Variants in AGBL4 observed in about 807,000 individuals in gnomAD.
AGBL4 encodes the protein AGBL carboxypeptidase 4, also known as cytosolic carboxypeptidase 6.
AGBL4 carries 58 observed loss-of-function variants against 66.4 expected under a neutral mutation model. That is an observed-to-expected ratio of 0.87 (90% confidence interval 0.71 to 1.09). AGBL4 has a LOEUF of 1.09. Ranked by LOEUF, AGBL4 falls within the 50% of genes least tolerant of loss-of-function variation. The pLI, the probability that AGBL4 is intolerant of heterozygous loss-of-function variation, is 0.00. For synonymous variants in AGBL4, 234 were observed against 222.9 expected (o/e 1.05, Z -0.44); for missense variants, 579 against 631.0 (o/e 0.92, Z 0.88).
At chr1:49,126,162 C>T (rs10493142) in intron 4 of AGBL4, among the ~76,000 whole-genome samples, 6,428 of 152,118 alleles carry the variant, frequency 0.042, 175 homozygotes, top group East Asian at 0.074. Context: ...CTTGGTTATA[C>T]GATGAAGAAC....
intron 3 of AGBL4, among the ~76,000 whole-genome samples, chr1:49,460,186 T>C (rs1646480511): frequency 6.6e-6 from 1 of 151,678 alleles, no homozygotes; most frequent in African/African-American, 2.4e-5. Context: ...GTCAGTGGAG[T>C]ATTAAAGTTC....
At chr1:49,925,401 C>G (rs1652664321) in intron 1 of AGBL4, among the ~76,000 whole-genome samples, 1 of 152,136 alleles carries the variant, frequency 6.6e-6, no homozygotes, top group Non-Finnish European at 1.5e-5. Context: ...CCAGGTGGTA[C>G]AGGCTGTGGG....
At chr1:49,183,924 CCCAACATTAAAATATAGACTATCTA>C (rs1455761558) in intron 4 of AGBL4, among the ~76,000 whole-genome samples, 1 of 152,046 alleles carries the variant, frequency 6.6e-6, no homozygotes, top group Non-Finnish European at 1.5e-5. Context: ...TGAACAAAAT[CCCAACATTAAAATATAGACTATCTA>C]CCTGAATTAC....
intron 3 of AGBL4, among the ~76,000 whole-genome samples, chr1:49,445,711 G>A (rs952745244): frequency 6.6e-6 from 1 of 150,954 alleles, no homozygotes; most frequent in Non-Finnish European, 1.5e-5. Context: ...ATTTCTATTT[G>A]GTTCTTTTTA....
the AGBL4 span, among the ~76,000 whole-genome samples, chr1:48,525,243 T>C: frequency 6.6e-6 from 1 of 152,102 alleles, no homozygotes; most frequent in African/African-American, 2.4e-5. Context: ...AAAAGTGAAA[T>C]ACCAAAGCCA....
chr1:49,032,823 T>C (rs750152923), intron 5 of AGBL4, among the ~76,000 whole-genome samples: 10 of 152,146 alleles, frequency 6.6e-5, no homozygotes, highest in Non-Finnish European at 1.0e-4. Context: ...GGTGGTAGTA[T>C]ATGAGAATAA....
chr1:49,516,532 G>T (rs184428479), intron 3 of AGBL4, among the ~76,000 whole-genome samples: 15 of 152,166 alleles, frequency 9.9e-5, no homozygotes, highest in Admixed American at 6.6e-4. Flanking sequence ...GTTTTAAGAG[G>T]CAAGGTGGGG....
At chr1:48,658,155 C>A (rs1423094470) in intron 7 of AGBL4, among the ~76,000 whole-genome samples, 1 of 152,196 alleles carries the variant, frequency 6.6e-6, no homozygotes, top group South Asian at 2.1e-4. Context: ...TTGCTGAGTG[C>A]CTCACAAGAA....
intron 5 of AGBL4, among the ~76,000 whole-genome samples, chr1:48,881,580 C>T (rs182752256): frequency 1.3e-4 from 20 of 152,246 alleles, no homozygotes; most frequent in Admixed American, 9.8e-4. Flanking sequence ...CAAAGTTTCC[C>T]GTCAAAGATG....
chr1:49,415,487 A>G lies in AGBL4; in HGVS notation c.283-169623T>C, dbSNP rs115739771. Among the ~76,000 whole-genome samples, 929 of 152,262 alleles carry G rather than the reference A, an allele frequency of 6.1e-3. 8 individuals carry two copies. Among genetic ancestry groups the G allele is most frequent in the Non-Finnish European group, 0.011 (725 of 67,982 alleles). Reference sequence around the variant, plus strand: ...TTGAACTTCATATCAGGGAATATGGATTCTAAGCTTGAACCTGCTAATAAC... The same window carrying G: ...TTGAACTTCATATCAGGGAATATGGGTTCTAAGCTTGAACCTGCTAATAAC... On this transcript the variant is annotated intron_variant, in intron 3 of 13. Transcript: ENST00000371839.
chr1:49,494,995 T>C (rs556071715), intron 3 of AGBL4, among the ~76,000 whole-genome samples: 1 of 152,192 alleles, frequency 6.6e-6, no homozygotes, highest in South Asian at 2.1e-4. Flanking sequence ...GTGGTATGAA[T>C]TGTCTTATTA....
intron 3 of AGBL4, among the ~76,000 whole-genome samples, chr1:49,552,706 T>C (rs570642133): frequency 1.3e-5 from 2 of 152,280 alleles, no homozygotes; most frequent in East Asian, 3.9e-4. Flanking sequence ...GGCCTGTGAA[T>C]CCTCTTGGGA....
intron 1 of AGBL4, among the ~76,000 whole-genome samples, chr1:49,916,101 G>T (rs920870294): frequency 7.2e-5 from 11 of 152,100 alleles, no homozygotes; most frequent in Middle Eastern, 3.2e-3. Flanking sequence ...CATCATCAAA[G>T]ACCAAAGGTA....
intron 3 of AGBL4, among the ~76,000 whole-genome samples, chr1:49,248,899 T>C (rs1651841031): frequency 6.6e-6 from 1 of 152,192 alleles, no homozygotes; most frequent in Admixed American, 6.5e-5. Flanking sequence ...AGTAATACGG[T>C]GCTCTATATC....
intron 3 of AGBL4, among the ~76,000 whole-genome samples, chr1:49,652,215 A>T (rs900208021): frequency 6.6e-6 from 1 of 152,178 alleles, no homozygotes; most frequent in African/African-American, 2.4e-5. Flanking sequence ...TACCAAACCT[A>T]ATGATGTACA....
chr1:49,635,939 G>A (rs893373041), intron 3 of AGBL4, among the ~76,000 whole-genome samples: 2 of 152,120 alleles, frequency 1.3e-5, no homozygotes, highest in African/African-American at 2.4e-5. Context: ...ACTATTTACA[G>A]CAACTAAAAA....
At chr1:49,053,646 C>T (rs570753369) in intron 4 of AGBL4, among the ~76,000 whole-genome samples, 12 of 152,190 alleles carry the variant, frequency 7.9e-5, no homozygotes, top group Non-Finnish European at 1.0e-4. Flanking sequence ...CACATTTATG[C>T]TAGGGTATAA....
chr1:49,254,190 T>C (rs1291664994), intron 3 of AGBL4, among the ~76,000 whole-genome samples: 2 of 151,990 alleles, frequency 1.3e-5, no homozygotes. Flanking sequence ...GAGAAAGAAA[T>C]AAAGGGCATC....
intron 4 of AGBL4, among the ~76,000 whole-genome samples, chr1:49,136,651 G>T (rs1376426123): frequency 6.6e-6 from 1 of 151,980 alleles, no homozygotes; most frequent in Non-Finnish European, 1.5e-5. Flanking sequence ...GTCTTTAATA[G>T]CTCTAAGCAC....
Sources: allele counts gnomAD v4.1 joint callset (sites outside exome capture counted in the v4.1 genomes callset), GRCh38; gene constraint gnomAD v4.1.1; transcripts MANE v1.5; gene names NCBI Gene and HGNC (gene_info 2026-07-23, HGNC 2026-07-21).